The following SUMF1 variants were observed in gnomAD, a reference collection of about 807,000 sequenced individuals.
SUMF1 encodes the protein sulfatase modifying factor 1.
In SUMF1, 48 loss-of-function variants were observed where a neutral mutation model predicts 47.6. The ratio of observed to expected loss-of-function variants is 1.01; its 90% CI spans 0.80 to 1.28. SUMF1 has a LOEUF of 1.28. Among genes scored for constraint, SUMF1 ranks in the 50% most tolerant of loss-of-function variants. The probability of loss-of-function intolerance (pLI) is 0.00; values close to 1 mark genes in which losing one functional copy is unlikely to be tolerated. For missense variants in SUMF1, 571 were observed against 485.4 expected (o/e 1.18, Z -1.66); for synonymous variants, 230 against 192.1 (o/e 1.20, Z -1.63).
downstream of SUMF1, among the ~76,000 whole-genome samples, chr3:4,357,562 C>A (rs1431462436): frequency 1.3e-5 from 2 of 150,558 alleles, no homozygotes; most frequent in Non-Finnish European, 2.9e-5. Flanking sequence ...CCACCACACC[C>A]CTGCCCCAAC....
At chr3:4,406,917 G>A (rs1004265445) in intron 7 of SUMF1, among the ~76,000 whole-genome samples, 25 of 152,230 alleles carry the variant, frequency 1.6e-4, no homozygotes, top group African/African-American at 4.1e-4. Flanking sequence ...ATTAATATCC[G>A]TCTCAGACTT....
chr3:4,237,524 T>C (rs1172225026), intron 8 of SUMF1, among the ~76,000 whole-genome samples: 2 of 152,174 alleles, frequency 1.3e-5, no homozygotes, highest in Non-Finnish European at 2.9e-5. Context: ...ATATTTTAGA[T>C]AATAGTCCTT....
chr3:4,372,331 C>A (rs1700194330), intron 8 of SUMF1, among the ~76,000 whole-genome samples: 1 of 152,164 alleles, frequency 6.6e-6, no homozygotes, highest in South Asian at 2.1e-4. Flanking sequence ...GCCAGGCAAA[C>A]TGGTGTTGGC....
chr3:4,159,748 G>C (rs1354556808), intron 8 of SUMF1, among the ~76,000 whole-genome samples: 2 of 152,134 alleles, frequency 1.3e-5, no homozygotes, highest in Non-Finnish European at 2.9e-5. Flanking sequence ...ACCTGGTGTT[G>C]ATGAAATCCC....
intron 3 of SUMF1, among the ~76,000 whole-genome samples, chr3:4,432,934 G>A (rs770063771): frequency 6.6e-6 from 1 of 152,102 alleles, no homozygotes; most frequent in Non-Finnish European, 1.5e-5. Context: ...CCCCACCCCT[G>A]GGTGACCCTC....
chr3:4,165,188 C>T (rs968927483), intron 8 of SUMF1, among the ~76,000 whole-genome samples: 3 of 152,138 alleles, frequency 2.0e-5, no homozygotes, highest in African/African-American at 2.4e-5. Context: ...GCATTCTTTT[C>T]ATTAAAGGCC....
intron 8 of SUMF1, among the ~76,000 whole-genome samples, chr3:4,350,040 G>T (rs189985987): frequency 2.7e-5 from 4 of 146,200 alleles, no homozygotes; most frequent in African/African-American, 1.0e-4. Flanking sequence ...TCGCTCTGTC[G>T]CCCAGGCTGG....
At chr3:4,303,989 T>C in intron 8 of SUMF1, 1 of 553,960 alleles carries the variant, frequency 1.8e-6, no homozygotes, top group Non-Finnish European at 2.7e-6. Context: ...GAGTGTAAAT[T>C]AGCTGTGGCT....
At chr3:4,458,882 G>C (rs1049909003) in intron 1 of SUMF1, among the ~76,000 whole-genome samples, 2 of 152,100 alleles carry the variant, frequency 1.3e-5, no homozygotes, top group African/African-American at 4.8e-5. Context: ...AGAAAACTCT[G>C]TCATTTATGA....
intron 8 of SUMF1, among the ~76,000 whole-genome samples, chr3:4,172,682 T>C (rs998194132): frequency 8.6e-6 from 1 of 115,832 alleles, no homozygotes; most frequent in Admixed American, 9.1e-5. Context: ...TGCCCACTTT[T>C]TGATGGGGTT....
At chr3:4,407,692 AC>A (rs962492219) in intron 7 of SUMF1, among the ~76,000 whole-genome samples, 8 of 152,238 alleles carry the variant, frequency 5.3e-5, no homozygotes, top group Non-Finnish European at 1.0e-4. Context: ...CCAGATGAGA[AC>A]TACCACAGCT....
At chr3:4,100,205 G>C (rs758336201) in intron 8 of SUMF1, among the ~76,000 whole-genome samples, 1 of 151,512 alleles carries the variant, frequency 6.6e-6, no homozygotes, top group Non-Finnish European at 1.5e-5. Flanking sequence ...AATTCATATG[G>C]AACCACAAAA....
At chr3:4,208,215 G>T (rs1695695420) in intron 8 of SUMF1, among the ~76,000 whole-genome samples, 1 of 151,978 alleles carries the variant, frequency 6.6e-6, no homozygotes, top group Admixed American at 6.6e-5. Context: ...AAGGGGAAAA[G>T]AAATACCCAA....
At chr3:4,159,502 A>G (rs1574937161) in intron 8 of SUMF1, among the ~76,000 whole-genome samples, 2 of 147,226 alleles carry the variant, frequency 1.4e-5, no homozygotes. Flanking sequence ...ATCTTACTGT[A>G]CTATGTCTCA....
intron 8 of SUMF1, among the ~76,000 whole-genome samples, chr3:4,208,717 C>T (rs1040843035): frequency 8.6e-5 from 13 of 151,484 alleles, no homozygotes; most frequent in South Asian, 2.1e-4. Flanking sequence ...GTAGACTGGA[C>T]GTGACTAAGG....
chr3:4,181,677 A>T (rs930241977), intron 8 of SUMF1, among the ~76,000 whole-genome samples: 29 of 152,154 alleles, frequency 1.9e-4, no homozygotes, highest in African/African-American at 6.7e-4. Flanking sequence ...AACCTCCCTT[A>T]TGCCCAAGAA....
intron 3 of SUMF1, among the ~76,000 whole-genome samples, chr3:4,422,320 C>A (rs184896643): frequency 1.3e-5 from 2 of 152,240 alleles, no homozygotes; most frequent in East Asian, 3.9e-4. Flanking sequence ...TCTTCCAACT[C>A]TACCCTGTCC....
chr3:4,312,872 A>G (rs371102744), intron 8 of SUMF1: 94 of 1,582,540 alleles, frequency 5.9e-5, no homozygotes, highest in Non-Finnish European at 7.4e-5. Flanking sequence ...TGCCGTGCTG[A>G]CTTACAGTGT....
At chr3:4,038,782 G>T (rs1448774469) in intron 9 of SUMF1, among the ~76,000 whole-genome samples, 1 of 152,184 alleles carries the variant, frequency 6.6e-6, no homozygotes, top group African/African-American at 2.4e-5. Context: ...GGCTCTGGGA[G>T]TCTCTCCCCA....
Sources: allele counts gnomAD v4.1 joint callset (sites outside exome capture counted in the v4.1 genomes callset), GRCh38; gene constraint gnomAD v4.1.1; transcripts MANE v1.5; gene names NCBI Gene and HGNC (gene_info 2026-07-23, HGNC 2026-07-21).